EYA1: variants seen among roughly 807,000 people sequenced by gnomAD.
EYA1 encodes EYA transcriptional coactivator and phosphatase 1, also known as protein phosphatase EYA1.
In EYA1, 16 loss-of-function variants were observed where a neutral mutation model predicts 82.0. The observed-to-expected ratio is 0.20, with a 90% CI of 0.13 to 0.30. The LOEUF is 0.30. Ranked by LOEUF, EYA1 falls within the 10% of genes least tolerant of loss-of-function variation. The probability of loss-of-function intolerance (pLI) is 1.00; values close to 1 mark genes in which losing one functional copy is unlikely to be tolerated. For missense variants in EYA1, 633 were observed against 730.7 expected (o/e 0.87, Z 1.54); for synonymous variants, 261 against 264.4 (o/e 0.99, Z 0.12).
intron 2 of EYA1, among the ~76,000 whole-genome samples, chr8:71,489,784 A>G (rs1810857159): frequency 6.6e-6 from 1 of 152,266 alleles, no homozygotes; most frequent in South Asian, 2.1e-4. Flanking sequence ...AATGTCATAG[A>G]GAACGACATG....
chr8:71,242,406 A>G (rs1812579517), intron 12 of EYA1, among the ~76,000 whole-genome samples: 1 of 152,162 alleles, frequency 6.6e-6, no homozygotes, highest in Non-Finnish European at 1.5e-5. Flanking sequence ...ATTGTTTTAT[A>G]TATTTGGTTG....
intron 11 of EYA1, among the ~76,000 whole-genome samples, chr8:71,246,231 A>G (rs1813072530): frequency 6.6e-6 from 1 of 152,212 alleles, no homozygotes; most frequent in East Asian, 1.9e-4. Context: ...AATTTATGAT[A>G]TACTATTTTA....
intron 9 of EYA1, among the ~76,000 whole-genome samples, chr8:71,293,589 G>A (rs976363418): frequency 1.3e-5 from 2 of 151,826 alleles, no homozygotes; most frequent in African/African-American, 2.4e-5. Flanking sequence ...AGAATTATAT[G>A]TCATGACCAA....
chr8:71,299,774 G>A lies in EYA1; in HGVS notation c.557-54C>T, dbSNP rs74879112. On this transcript the variant is annotated intron_variant, in intron 7 of 17. Transcript: ENST00000340726. ...ATACCAGGCTTGTGGAATAATGTGG[G>A]TACAGGAAAATAGCATTTAGAAAAG... 21,929 of 953,448 alleles carry A rather than the reference G, an allele frequency of 0.023. 357 individuals are homozygous for A. The highest frequency in any genetic ancestry group is 0.046 in the Middle Eastern group (224 of 4,822). 59.1% of individuals were successfully genotyped at this position (953,448 alleles called of 1,614,324 possible).
chr8:71,221,598 T>C (rs918374268), intron 12 of EYA1, among the ~76,000 whole-genome samples: 2 of 152,198 alleles, frequency 1.3e-5, no homozygotes, highest in African/African-American at 4.8e-5. Context: ...AATTTTCACA[T>C]ACAGGTAGTT....
chr8:71,349,385 G>C (rs970970977), intron 3 of EYA1, among the ~76,000 whole-genome samples: 1 of 152,198 alleles, frequency 6.6e-6, no homozygotes, highest in African/African-American at 2.4e-5. Context: ...TATTAGAAAA[G>C]CCATCTGCAG....
At chr8:71,212,353 G>A (rs995623560) in intron 16 of EYA1, among the ~76,000 whole-genome samples, 3 of 152,210 alleles carry the variant, frequency 2.0e-5, no homozygotes, top group Non-Finnish European at 1.5e-5. Context: ...CCACTAAACT[G>A]TGAAATATTA....
chr8:71,354,885 G>A lies in EYA1; in HGVS notation c.21C>T (p.Thr7=), dbSNP rs759133133. ...TACCACTCAGACGGCTATGCGGGCTGGTTAGATCCTGCATTTCCATAGACC... is the reference window on the plus strand; with the variant it reads ...TACCACTCAGACGGCTATGCGGGCTAGTTAGATCCTGCATTTCCATAGACC... The part of the protein sequence containing the change: MEMQDL[T]SPHSRLSGSS... The change falls in exon 3 of 18, where the codon ACC becomes ACT. Residue 7 remains threonine (T), a synonymous_variant. Coordinates refer to ENST00000340726, the MANE Select transcript of EYA1 (RefSeq NM_000503.6). 1 of 1,613,434 alleles carries A rather than the reference G, an allele frequency of 6.2e-7. No homozygotes were observed. The highest frequency in any genetic ancestry group is 1.1e-5 in the South Asian group (1 of 91,056).
At chr8:71,412,155 C>T (rs1355661101) in intron 2 of EYA1, among the ~76,000 whole-genome samples, 2 of 130,420 alleles carry the variant, frequency 1.5e-5, no homozygotes, top group East Asian at 2.2e-4. Flanking sequence ...CGCATATTCT[C>T]ACTCATAGGT....
At chr8:71,299,776 ACAG>A in intron 7 of EYA1, 56 bp from the exon 8 acceptor site, 1 of 918,674 alleles carries the variant, frequency 1.1e-6, no homozygotes, top group Non-Finnish European at 1.8e-6. Context: ...TAATGTGGGT[ACAG>A]GAAAATAGCA....
intron 4 of EYA1, among the ~76,000 whole-genome samples, chr8:71,333,835 G>A (rs959908786): frequency 6.6e-6 from 1 of 152,130 alleles, no homozygotes; most frequent in African/African-American, 2.4e-5. Flanking sequence ...ATTAGTAGAA[G>A]AAAGGAGAAG....
intron 11 of EYA1, among the ~76,000 whole-genome samples, chr8:71,250,300 C>T (rs896839179): frequency 2.6e-5 from 4 of 152,206 alleles, no homozygotes; most frequent in African/African-American, 7.2e-5. Flanking sequence ...GAGGCCTAAA[C>T]TGGGGCAAAG....
chr8:71,301,847 T>A (rs1193308618), intron 7 of EYA1, among the ~76,000 whole-genome samples: 1 of 151,992 alleles, frequency 6.6e-6, no homozygotes, highest in African/African-American at 2.4e-5. Flanking sequence ...GACAATTACA[T>A]GGGGCTAAAA....
At chr8:71,344,162 T>C (rs568845312) in intron 3 of EYA1, among the ~76,000 whole-genome samples, 1 of 152,324 alleles carries the variant, frequency 6.6e-6, no homozygotes, top group Non-Finnish European at 1.5e-5. Context: ...TATAATTAAA[T>C]GTACAAATCT....
chr8:71,249,437 G>A (rs931505128), intron 11 of EYA1, among the ~76,000 whole-genome samples: 1 of 152,128 alleles, frequency 6.6e-6, no homozygotes, highest in Non-Finnish European at 1.5e-5. Flanking sequence ...GCAAGGAGAA[G>A]TGCAGAGCAA....
chr8:71,248,303 G>C (rs917723402), intron 11 of EYA1, among the ~76,000 whole-genome samples: 1 of 152,230 alleles, frequency 6.6e-6, no homozygotes, highest in Non-Finnish European at 1.5e-5. Context: ...TTTTAGAATA[G>C]GAAGGGGGTT....
chr8:71,464,795 A>G (rs1043471002), intron 2 of EYA1, among the ~76,000 whole-genome samples: 2 of 152,182 alleles, frequency 1.3e-5, no homozygotes, highest in African/African-American at 4.8e-5. Context: ...TACACATACT[A>G]TTTATCTAAA....
At chr8:71,395,233 G>C (rs1035661354) in intron 2 of EYA1, among the ~76,000 whole-genome samples, 2 of 152,206 alleles carry the variant, frequency 1.3e-5, no homozygotes, top group African/African-American at 4.8e-5. Context: ...CATGTTATTT[G>C]CAAACAGGGA....
intron 9 of EYA1, among the ~76,000 whole-genome samples, chr8:71,284,381 G>GA (rs1173848622): frequency 6.6e-6 from 1 of 152,202 alleles, no homozygotes; most frequent in African/African-American, 2.4e-5. Flanking sequence ...ACAGAAAATG[G>GA]ATTCATTCAA....
Sources: gnomAD v4.1 joint callset for allele counts (sites outside exome capture counted in the v4.1 genomes callset) on GRCh38, gnomAD v4.1.1 for gene constraint, MANE v1.5 for transcripts, NCBI Gene and HGNC (gene_info 2026-07-23, HGNC 2026-07-21) for gene names.